The following MCHR2 variants were observed in gnomAD, a reference collection of about 807,000 sequenced individuals.
The protein encoded by MCHR2 is melanin-concentrating hormone receptor 2.
A neutral mutation model predicts 24.8 loss-of-function variants in MCHR2; 15 were observed. The observed-to-expected ratio is 0.60, with a 90% CI of 0.40 to 0.93. MCHR2 has a LOEUF of 0.93. Ranked by LOEUF, MCHR2 falls within the 40% of genes least tolerant of loss-of-function variation. The pLI, the probability that MCHR2 is intolerant of heterozygous loss-of-function variation, is 0.00. For missense variants in MCHR2, 386 were observed against 408.7 expected (o/e 0.94, Z 0.48); for synonymous variants, 151 against 147.6 (o/e 1.02, Z -0.17).
At chr6:99,989,312 G>C (rs1775823828) in intron 1 of MCHR2, among the ~76,000 whole-genome samples, 1 of 152,126 alleles carries the variant, frequency 6.6e-6, no homozygotes, top group Admixed American at 6.5e-5. Context: ...ACAAGATAAA[G>C]AGGTAAAGTA....
At chr6:99,972,239 G>A (rs1293880035) in intron 1 of MCHR2, among the ~76,000 whole-genome samples, 1 of 152,106 alleles carries the variant, frequency 6.6e-6, no homozygotes, top group Non-Finnish European at 1.5e-5. Flanking sequence ...CAATTTCAGA[G>A]CCTGTTATTG....
chr6:99,968,256 T>C (rs1368285798), intron 1 of MCHR2, among the ~76,000 whole-genome samples: 1 of 152,168 alleles, frequency 6.6e-6, no homozygotes, highest in Admixed American at 6.5e-5. Context: ...TAGTCCTTAA[T>C]CTACAGGGAA....
At chr6:99,982,175 C>T (rs911736719) in intron 1 of MCHR2, among the ~76,000 whole-genome samples, 4 of 152,024 alleles carry the variant, frequency 2.6e-5, no homozygotes, top group Admixed American at 6.5e-5. Context: ...GCAGTTATGG[C>T]GGCCTTGTCT....
intron 1 of MCHR2, among the ~76,000 whole-genome samples, chr6:99,970,622 A>G (rs910022356): frequency 9.2e-5 from 14 of 152,210 alleles, no homozygotes; most frequent in Non-Finnish European, 1.6e-4. Flanking sequence ...TGTTTTAGAC[A>G]TGAAGTCCTT....
intron 5 of MCHR2, among the ~76,000 whole-genome samples, chr6:99,925,778 TGTA>T (rs1774341581): frequency 6.6e-6 from 1 of 151,732 alleles, no homozygotes; most frequent in Non-Finnish European, 1.5e-5. Flanking sequence ...GAAAAGTTGT[TGTA>T]GTTATTATTT....
At chr6:99,932,246 A>C (rs1167358426) in intron 5 of MCHR2, among the ~76,000 whole-genome samples, 1 of 152,234 alleles carries the variant, frequency 6.6e-6, no homozygotes, top group Non-Finnish European at 1.5e-5. Context: ...TAAATAACAA[A>C]GCATTAAATT....
chr6:99,940,107 C>T (rs540335085), intron 4 of MCHR2, among the ~76,000 whole-genome samples: 2 of 151,848 alleles, frequency 1.3e-5, no homozygotes, highest in African/African-American at 4.8e-5. Context: ...CTGATCTTCC[C>T]ATATCTGGAT....
chr6:99,920,850 G>T lies in MCHR2; in HGVS notation c.*90C>A. ...AGAGTCACAAGTACACAAGAAGAAT[G>T]GGCATAAACATATCGGTACACCTGC... On this transcript the variant is annotated 3_prime_UTR_variant, in exon 6 of 6. Transcript: ENST00000281806. 3 of 1,249,386 alleles carry T rather than the reference G, an allele frequency of 2.4e-6. No individual in the cohort carries two copies. Among genetic ancestry groups the T allele is most frequent in the Non-Finnish European group, 2.3e-6 (2 of 881,988 alleles). 77.4% of individuals were successfully genotyped at this position (1,249,386 alleles called of 1,614,324 possible).
At chr6:99,928,569 G>A (rs1774426971) in intron 5 of MCHR2, among the ~76,000 whole-genome samples, 2 of 152,156 alleles carry the variant, frequency 1.3e-5, no homozygotes, top group Admixed American at 1.3e-4. Flanking sequence ...GTCTTGGGAG[G>A]GTGTATGTGT....
At chr6:99,986,889 A>G (rs1191049082) in intron 1 of MCHR2, among the ~76,000 whole-genome samples, 1 of 150,640 alleles carries the variant, frequency 6.6e-6, no homozygotes, top group Non-Finnish European at 1.5e-5. Context: ...ATATATCCAT[A>G]AGTATAATAT....
intron 5 of MCHR2, among the ~76,000 whole-genome samples, chr6:99,924,849 G>T (rs1774317075): frequency 6.6e-6 from 1 of 152,052 alleles, no homozygotes; most frequent in Admixed American, 6.6e-5. Flanking sequence ...TGATCCATGT[G>T]CTGAGGAAAA....
Position 99,919,718 on chromosome 6 carries a change from T to A in MCHR2, c.*1222A>T, listed in dbSNP as rs1038270513. 2.0e-5 allele frequency among the ~76,000 whole-genome samples: 3 copies of A among 147,686 alleles called. No homozygotes were observed. The highest frequency in any genetic ancestry group is 7.4e-5 in the African/African-American group (3 of 40,812). ...ACCAAAAGGGAATGTTTCTTGTTTT[T>A]TTTTTTGTTTGTTTTGTTTTTTTTT... On this transcript the variant is annotated 3_prime_UTR_variant, in exon 6 of 6. Coordinates refer to ENST00000281806, the MANE Select transcript of MCHR2 (RefSeq NM_001040179.2).
At chr6:99,947,483 C>T (rs1189276476) in intron 3 of MCHR2, among the ~76,000 whole-genome samples, 2 of 152,062 alleles carry the variant, frequency 1.3e-5, no homozygotes, top group Non-Finnish European at 2.9e-5. Context: ...TCTAATATTT[C>T]CTGGTTTTGT....
At chr6:99,964,869 TAAGG>T (rs1442608510) in intron 1 of MCHR2, among the ~76,000 whole-genome samples, 2 of 152,044 alleles carry the variant, frequency 1.3e-5, no homozygotes, top group South Asian at 2.1e-4. Context: ...TCTAAAATCA[TAAGG>T]AAGGGCAAAA....
chr6:99,924,025 G>T (rs951809952), intron 5 of MCHR2, among the ~76,000 whole-genome samples: 4 of 152,080 alleles, frequency 2.6e-5, no homozygotes, highest in Non-Finnish European at 5.9e-5. Flanking sequence ...ATTCAATGAA[G>T]CCATTGGGTC....
intron 4 of MCHR2, among the ~76,000 whole-genome samples, chr6:99,939,953 T>C (rs529590555): frequency 6.7e-6 from 1 of 149,638 alleles, no homozygotes; most frequent in Non-Finnish European, 1.5e-5. Context: ...GAAGTCCATT[T>C]CCAGATGAAT....
At chr6:99,943,222 G>A (rs1774810972) in intron 3 of MCHR2, 79 bp from the exon 4 acceptor site, 20 of 1,130,982 alleles carry the variant, frequency 1.8e-5, no homozygotes, top group South Asian at 2.6e-5. Context: ...CATGATGAGA[G>A]TAAATTCTTA....
intron 1 of MCHR2, among the ~76,000 whole-genome samples, chr6:99,991,694 C>G (rs1170721232): frequency 6.7e-6 from 1 of 150,214 alleles, no homozygotes; most frequent in Non-Finnish European, 1.5e-5. Context: ...GTAGTCCCAG[C>G]TACTCTGCAG....
At chr6:99,963,481 G>C (rs1041518977) in intron 1 of MCHR2, among the ~76,000 whole-genome samples, 6 of 152,066 alleles carry the variant, frequency 3.9e-5, no homozygotes, top group Non-Finnish European at 8.8e-5. Context: ...GCCAAAAGTA[G>C]AATGGTGATT....
Sources: allele counts gnomAD v4.1 joint callset (sites outside exome capture counted in the v4.1 genomes callset), GRCh38; gene constraint gnomAD v4.1.1; transcripts MANE v1.5; gene names NCBI Gene and HGNC (gene_info 2026-07-23, HGNC 2026-07-21).